DMRT1: variants seen among roughly 807,000 people sequenced by gnomAD.
DMRT1 encodes doublesex and mab-3 related transcription factor 1, also known as doublesex- and mab-3-related transcription factor 1.
DMRT1 carries 7 observed loss-of-function variants against 32.3 expected under a neutral mutation model. The ratio of observed to expected loss-of-function variants is 0.22; its 90% CI spans 0.12 to 0.41. The LOEUF (loss-of-function observed/expected upper bound fraction) is 0.41, where lower values mean the gene tolerates loss of function less well. Among genes scored for constraint, DMRT1 ranks in the 10% least tolerant of loss-of-function variants. The pLI, the probability that DMRT1 is intolerant of heterozygous loss-of-function variation, is 1.00. For synonymous variants in DMRT1, 278 were observed against 206.1 expected (o/e 1.35, Z -2.99); for missense variants, 625 against 500.5 (o/e 1.25, Z -2.37).
chr9:960,478 C>T (rs937370991), intron 4 of DMRT1, among the ~76,000 whole-genome samples: 3 of 152,154 alleles, frequency 2.0e-5, no homozygotes, highest in Non-Finnish European at 2.9e-5. Flanking sequence ...TAATGAGTAA[C>T]AAGTGTATAG....
At chr9:847,811 C>A (rs1339853651) in intron 2 of DMRT1, among the ~76,000 whole-genome samples, 1 of 152,180 alleles carries the variant, frequency 6.6e-6, no homozygotes, top group Non-Finnish European at 1.5e-5. Context: ...GATATCGAAG[C>A]CCCTAGCCAC....
At chr9:863,619 G>T (rs768634213) in intron 2 of DMRT1, among the ~76,000 whole-genome samples, 3 of 152,150 alleles carry the variant, frequency 2.0e-5, no homozygotes, top group Non-Finnish European at 2.9e-5. Context: ...CCTGCTAGAG[G>T]CTCCAGAAAG....
In DMRT1 at chr9:887,290, C is replaced by T. The variant is rs118150277; in HGVS notation, c.539-6622C>T. ...TTTCATGAAGTTCCTTCCTTTACTA[C>T]GGCCTCCTTGTGCAAGCTTAAAGTG... On this transcript the variant is annotated intron_variant, in intron 2 of 4. Coordinates refer to ENST00000382276, the MANE Select transcript of DMRT1 (RefSeq NM_021951.3). Among the ~76,000 whole-genome samples the T allele has an allele frequency of 9.9e-3, 1,506 of 152,334 alleles. 20 individuals carry two copies. The highest frequency in any genetic ancestry group is 0.014 in the Admixed American group (217 of 15,306).
rs1302880039 is a variant in DMRT1, at chr9:911,486, T to G, written c.823-5277T>G. Reference sequence around the variant, plus strand: ...GTTAATTGCATTTTTTTTTTTTTTTTTTTTTTTTTTTTTTTTTTTTTTTTT... The same window carrying G: ...GTTAATTGCATTTTTTTTTTTTTTTGTTTTTTTTTTTTTTTTTTTTTTTTT... On this transcript the variant is annotated intron_variant, in intron 3 of 4. Transcript: ENST00000382276. 5.4e-4 allele frequency among the ~76,000 whole-genome samples: 42 copies of G among 78,352 alleles called. 1 individual carries two copies. The East Asian group carries it at 8.7e-3, about 16-fold the overall frequency. 51.4% of individuals were successfully genotyped at this position (78,352 alleles called of 152,430 possible). A position where few individuals can be genotyped will look rare whatever the true frequency, so the allele number is the denominator to read the frequency against.
chr9:916,373 CT>C (rs397893687), intron 3 of DMRT1, among the ~76,000 whole-genome samples: 79 of 145,894 alleles, frequency 5.4e-4, no homozygotes, highest in Middle Eastern at 7.2e-3. Flanking sequence ...CCTTAATTTG[CT>C]TTTTTTTTTT....
At chr9:940,690 A>T (rs963265229) in intron 4 of DMRT1, among the ~76,000 whole-genome samples, 3 of 152,182 alleles carry the variant, frequency 2.0e-5, no homozygotes, top group Admixed American at 6.5e-5. Context: ...AAGGAAAAAA[A>T]AATTGGACTT....
At chr9:928,336 T>A (rs1818595379) in intron 4 of DMRT1, among the ~76,000 whole-genome samples, 1 of 152,234 alleles carries the variant, frequency 6.6e-6, no homozygotes, top group Non-Finnish European at 1.5e-5. Flanking sequence ...AGAGTCATTT[T>A]GTGGTCTTTA....
intron 2 of DMRT1, among the ~76,000 whole-genome samples, chr9:885,239 T>C (rs1816880990): frequency 1.3e-5 from 2 of 152,186 alleles, no homozygotes; most frequent in South Asian, 2.1e-4. Context: ...TTTAGCTGTC[T>C]GTAGGTGGCT....
chr9:929,544 C>G (rs1251697234), intron 4 of DMRT1, among the ~76,000 whole-genome samples: 2 of 151,908 alleles, frequency 1.3e-5, no homozygotes, highest in African/African-American at 4.8e-5. Flanking sequence ...TATTATTTCT[C>G]CTTCTGCTTG....
intron 1 of DMRT1, among the ~76,000 whole-genome samples, chr9:845,205 ATTAT>A (rs930414791): frequency 2.6e-5 from 4 of 151,422 alleles, no homozygotes; most frequent in Admixed American, 1.3e-4. Flanking sequence ...TTTCAATCTT[ATTAT>A]TTATTTATTT....
chr9:912,862 T>C (rs1818037361), intron 3 of DMRT1, among the ~76,000 whole-genome samples: 1 of 152,168 alleles, frequency 6.6e-6, no homozygotes, highest in Non-Finnish European at 1.5e-5. Context: ...CAGATTTTCT[T>C]GAGTGGAGTC....
chr9:915,272 A>G (rs1306432983), intron 3 of DMRT1, among the ~76,000 whole-genome samples: 2 of 152,210 alleles, frequency 1.3e-5, no homozygotes, highest in Non-Finnish European at 2.9e-5. Context: ...AACAGGGTCT[A>G]GATGTTCATG....
chr9:847,246 G>A, intron 2 of DMRT1, 103 bp downstream of exon 2: 2 of 1,220,802 alleles, frequency 1.6e-6, no homozygotes, highest in Non-Finnish European at 2.3e-6. Flanking sequence ...ACAGTGTTTA[G>A]AGCTTAGAGG....
At chr9:924,760 G>T (rs1171956082) in intron 4 of DMRT1, among the ~76,000 whole-genome samples, 1 of 152,154 alleles carries the variant, frequency 6.6e-6, no homozygotes, top group Non-Finnish European at 1.5e-5. Context: ...TGATATGTTT[G>T]CCAAGTAAAA....
intron 2 of DMRT1, among the ~76,000 whole-genome samples, chr9:876,651 C>T (rs1490229620): frequency 6.6e-6 from 1 of 152,026 alleles, no homozygotes; most frequent in Non-Finnish European, 1.5e-5. Flanking sequence ...CCCCACTCAG[C>T]CTCCTGAGTA....
chr9:914,322 C>G (rs1159954203), intron 3 of DMRT1, among the ~76,000 whole-genome samples: 1 of 152,010 alleles, frequency 6.6e-6, no homozygotes, highest in African/African-American at 2.4e-5. Flanking sequence ...CGCCTGTAAT[C>G]CCAGCACTTT....
intron 2 of DMRT1, among the ~76,000 whole-genome samples, chr9:864,559 T>C (rs969321721): frequency 8.4e-5 from 12 of 142,840 alleles, no homozygotes; most frequent in Admixed American, 4.6e-4. Flanking sequence ...AGTGCAGTGG[T>C]GCGATCTCGG....
chr9:963,142 G>A (rs1819828586), intron 4 of DMRT1, among the ~76,000 whole-genome samples: 1 of 152,116 alleles, frequency 6.6e-6, no homozygotes, highest in African/African-American at 2.4e-5. Flanking sequence ...TTGTATCAAC[G>A]AGGAAGCACT....
intron 2 of DMRT1, among the ~76,000 whole-genome samples, chr9:873,979 C>G (rs770344282): frequency 6.6e-6 from 1 of 152,172 alleles, no homozygotes; most frequent in Non-Finnish European, 1.5e-5. Flanking sequence ...CCTAAAAGCT[C>G]TCAAGGAAAT....
Sources: gnomAD v4.1 joint callset for allele counts (sites outside exome capture counted in the v4.1 genomes callset) on GRCh38, gnomAD v4.1.1 for gene constraint, MANE v1.5 for transcripts, NCBI Gene and HGNC (gene_info 2026-07-23, HGNC 2026-07-21) for gene names.